The following HIVEP3 variants were observed in gnomAD, a reference collection of about 807,000 sequenced individuals.
The protein encoded by HIVEP3 is transcription factor HIVEP3.
In HIVEP3, 49 loss-of-function variants were observed where a neutral mutation model predicts 152.8. The ratio of observed to expected loss-of-function variants is 0.32; its 90% CI spans 0.26 to 0.41. The LOEUF (loss-of-function observed/expected upper bound fraction) is 0.41, where lower values mean the gene tolerates loss of function less well. Among genes scored for constraint, HIVEP3 ranks in the 10% least tolerant of loss-of-function variants. HIVEP3 has a pLI of 1.00. For synonymous variants in HIVEP3, 1,269 were observed against 1,289.0 expected, an observed-to-expected ratio of 0.98 and a Z score of 0.33; for missense variants, 2,790 against 3,103.3, an observed-to-expected ratio of 0.90 and a Z score of 2.40.
chr1:41,910,781 A>G (rs116829372), intron 1 of HIVEP3, among the ~76,000 whole-genome samples: 3,293 of 152,148 alleles, frequency 0.022, 70 homozygotes, highest in Non-Finnish European at 0.026. Flanking sequence ...TATTTAATAA[A>G]CATCCATGTA....
At chr1:41,860,690 AT>A (rs1485438802) in intron 1 of HIVEP3, among the ~76,000 whole-genome samples, 3 of 152,190 alleles carry the variant, frequency 2.0e-5, no homozygotes, top group Non-Finnish European at 4.4e-5. Flanking sequence ...CACTAAGGGG[AT>A]ATTTCCCCCT....
chr1:41,886,712 C>CA (rs71062602), intron 1 of HIVEP3, among the ~76,000 whole-genome samples: 1,956 of 87,690 alleles, frequency 0.022, 168 homozygotes, highest in African/African-American at 0.066. Flanking sequence ...AACTCCATTT[C>CA]AAAAAAAAAA....
intron 1 of HIVEP3, among the ~76,000 whole-genome samples, chr1:41,955,241 A>G (rs1645133982): frequency 6.6e-6 from 1 of 151,962 alleles, no homozygotes; most frequent in African/African-American, 2.4e-5. Flanking sequence ...ATTGCTTGGT[A>G]GACTGGGTAG....
intron 1 of HIVEP3, among the ~76,000 whole-genome samples, chr1:41,761,875 T>TC (rs1226030695): frequency 5.3e-5 from 8 of 152,176 alleles, no homozygotes; most frequent in Non-Finnish European, 8.8e-5. Context: ...CAGGGGCAGA[T>TC]CCCTAGTGAA....
At chr1:41,916,740 C>T (rs1644877748) in intron 1 of HIVEP3, among the ~76,000 whole-genome samples, 1 of 152,186 alleles carries the variant, frequency 6.6e-6, no homozygotes, top group Admixed American at 6.5e-5. Flanking sequence ...GCACAAGTGA[C>T]ACCCTAGTGG....
intron 1 of HIVEP3, among the ~76,000 whole-genome samples, chr1:41,935,953 G>A (rs551973900): frequency 9.9e-5 from 15 of 151,906 alleles, no homozygotes; most frequent in African/African-American, 3.4e-4. Flanking sequence ...TTCAGTTAGG[G>A]GAGTCGAGCT....
In HIVEP3 at chr1:41,583,132, G is replaced by A. The variant is rs1644443401; in HGVS notation, c.1666C>T (p.Pro556Ser). 1.2e-6 allele frequency: 2 copies of A among 1,613,624 alleles called. No individual in the cohort carries two copies. Among genetic ancestry groups the A allele is most frequent in the Non-Finnish European group, 1.7e-6 (2 of 1,179,990 alleles). Residue 556 changes from proline (P) to serine (S), a missense_variant, in exon 4 of 9, where the codon CCC becomes TCC. By Grantham distance (74) the Pro-to-Ser change is moderately conservative. This residue lies in a region of HIVEP3 where 339 missense variants were observed against 327.0 expected (regional missense o/e 1.04). Transcript: ENST00000372583. This position sits in a 1 kb window ranked among gnomAD's most constrained non-coding sequence, Gnocchi z 6.9. ...TCGAAGGAGTAGCTACCTCGGAAGG[G>A]GTGGTGGGGGGTGCTGATAGTGCAG... is the stretch of plus-strand genomic sequence containing the variant. ...AACTISTPHHPFRGSYSFDDH... is the reference protein window; with the variant it reads ...AACTISTPHHSFRGSYSFDDH...
intron 2 of HIVEP3, among the ~76,000 whole-genome samples, chr1:41,648,154 G>A (rs980913502): frequency 4.6e-5 from 7 of 152,164 alleles, no homozygotes; most frequent in Admixed American, 1.3e-4. Flanking sequence ...ACGAATGCCC[G>A]GGCCTCACCA....
rs1646267634 is a variant in HIVEP3 at position 41,695,954 on chromosome 1, GGTCAA to G, written c.-721+4957_-721+4961del. ...CTTGGAGTGAGAGACCCACATCCAC[GGTCAA>G]GTCCCTGCCACCATCTTGCTGTGTG... On this transcript the variant is annotated intron_variant, in intron 2 of 8. Transcript: ENST00000372583. Among the ~76,000 whole-genome samples, 3 of 152,118 alleles carry G rather than the reference GGTCAA, an allele frequency of 2.0e-5. 1 individual carries two copies. The South Asian group carries it at 6.2e-4, about 32-fold the overall frequency.
At chr1:41,875,797 C>G (rs1417807075) in intron 1 of HIVEP3, among the ~76,000 whole-genome samples, 1 of 152,240 alleles carries the variant, frequency 6.6e-6, no homozygotes, top group Non-Finnish European at 1.5e-5. Context: ...ACATGCCCTG[C>G]ACCTTCTTCT....
At chr1:41,704,624 C>A (rs578095342) in intron 1 of HIVEP3, among the ~76,000 whole-genome samples, 2 of 152,252 alleles carry the variant, frequency 1.3e-5, no homozygotes, top group Non-Finnish European at 2.9e-5. Flanking sequence ...AGCTTTAATT[C>A]TTTGCCTCGT....
intron 1 of HIVEP3, among the ~76,000 whole-genome samples, chr1:41,761,388 G>T (rs1225647534): frequency 1.3e-5 from 2 of 151,976 alleles, no homozygotes; most frequent in Non-Finnish European, 2.9e-5. Context: ...ATGTGTGAGT[G>T]CATAGGTATG....
chr1:41,878,733 C>G (rs1436623209), intron 1 of HIVEP3, among the ~76,000 whole-genome samples: 2 of 142,858 alleles, frequency 1.4e-5, no homozygotes, highest in Non-Finnish European at 3.1e-5. Context: ...TCCTTCCTCT[C>G]CTTCCCCCCT....
intron 1 of HIVEP3, among the ~76,000 whole-genome samples, chr1:42,023,327 A>C (rs1553143932): frequency 6.6e-6 from 1 of 152,160 alleles, no homozygotes; most frequent in Non-Finnish European, 1.5e-5. Flanking sequence ...TTTTAAGTTA[A>C]TGTTTTTGGA....
intron 1 of HIVEP3, among the ~76,000 whole-genome samples, chr1:41,751,008 C>T (rs535670389): frequency 1.1e-3 from 168 of 152,246 alleles, no homozygotes; most frequent in African/African-American, 3.4e-3. Flanking sequence ...GACACCGCAC[C>T]GCACCCGGCC....
At chr1:42,026,521 A>T (rs1217560230) in intron 1 of HIVEP3, among the ~76,000 whole-genome samples, 3 of 152,222 alleles carry the variant, frequency 2.0e-5, no homozygotes, top group Admixed American at 1.3e-4. Flanking sequence ...TACCATTATC[A>T]GAAACCAAAG....
intron 1 of HIVEP3, among the ~76,000 whole-genome samples, chr1:41,770,352 T>C (rs1648274861): frequency 6.6e-6 from 1 of 152,174 alleles, no homozygotes; most frequent in South Asian, 2.1e-4. Context: ...TGTGGTAGTT[T>C]TAACACGTGT....
At chr1:41,685,507 C>T (rs566586703) in intron 2 of HIVEP3, among the ~76,000 whole-genome samples, 3 of 152,226 alleles carry the variant, frequency 2.0e-5, no homozygotes, top group African/African-American at 7.2e-5. Flanking sequence ...GCATTCACCC[C>T]CCTCTCCAGC....
chr1:41,741,495 C>T (rs1646995756), intron 1 of HIVEP3, among the ~76,000 whole-genome samples: 1 of 152,244 alleles, frequency 6.6e-6, no homozygotes, highest in South Asian at 2.1e-4. Flanking sequence ...CTAAGCTGCC[C>T]TCGCAGGGTG....
Sources: allele counts gnomAD v4.1 joint callset (sites outside exome capture counted in the v4.1 genomes callset), GRCh38; gene constraint gnomAD v4.1.1; regional missense constraint gnomAD v4.1.1; non-coding constraint Gnocchi (gnomAD v3.1); transcripts MANE v1.5; gene names NCBI Gene and HGNC (gene_info 2026-07-23, HGNC 2026-07-21).